The following STK33 variants were observed in gnomAD, a reference collection of about 807,000 sequenced individuals.
STK33 encodes serine/threonine kinase 33.
In STK33, 52 loss-of-function variants were observed where a neutral mutation model predicts 58.0. The ratio of observed to expected loss-of-function variants is 0.90; its 90% CI spans 0.72 to 1.13. The LOEUF (loss-of-function observed/expected upper bound fraction) is 1.13, where lower values mean the gene tolerates loss of function less well. STK33 is among the 50% of genes most tolerant of loss of function. STK33 has a pLI of 0.00. For synonymous variants in STK33, 215 were observed against 200.1 expected, an observed-to-expected ratio of 1.07 and a Z score of -0.63; for missense variants, 630 against 604.2, an observed-to-expected ratio of 1.04 and a Z score of -0.45.
intron 1 of STK33, among the ~76,000 whole-genome samples, chr11:8,509,457 C>T (rs186884013): frequency 2.8e-4 from 43 of 152,222 alleles, no homozygotes; most frequent in African/African-American, 9.6e-4. Flanking sequence ...CCAGCAGATC[C>T]TGAATCTAAT....
At chr11:8,572,519 T>C (rs1191481729) in intron 1 of STK33, among the ~76,000 whole-genome samples, 1 of 152,200 alleles carries the variant, frequency 6.6e-6, no homozygotes, top group Admixed American at 6.5e-5. Context: ...ATAAATATGT[T>C]CTACATGTCT....
the STK33 span, among the ~76,000 whole-genome samples, chr11:8,337,015 G>A: frequency 5.9e-5 from 9 of 152,356 alleles, no homozygotes; most frequent in South Asian, 2.1e-4. Context: ...GGCCTCAATC[G>A]TGATCAATGG....
chr11:8,411,018 A>G (rs1485756778), intron 15 of STK33, among the ~76,000 whole-genome samples: 3 of 152,254 alleles, frequency 2.0e-5, no homozygotes, highest in Non-Finnish European at 4.4e-5. Context: ...TTTATCAGGC[A>G]TCATTAAGGA....
the STK33 span, among the ~76,000 whole-genome samples, chr11:8,351,130 C>T: frequency 6.6e-6 from 1 of 152,070 alleles, no homozygotes; most frequent in Non-Finnish European, 1.5e-5. Flanking sequence ...TCCTGACACA[C>T]CCATAACCTC....
intron 15 of STK33, among the ~76,000 whole-genome samples, chr11:8,408,231 T>G (rs541333544): frequency 2.0e-5 from 3 of 152,272 alleles, no homozygotes; most frequent in East Asian, 1.9e-4. Flanking sequence ...AATTAATACA[T>G]TTGAAATTGA....
intron 7 of STK33, 147 bp downstream of exon 7, chr11:8,464,562 G>A (rs1053681579): frequency 2.1e-6 from 1 of 473,182 alleles, no homozygotes; most frequent in Non-Finnish European, 3.7e-6. Flanking sequence ...CGGGAGGCTA[G>A]AGAAATGCCA....
At chr11:8,584,727 C>T (rs2031167583) in intron 1 of STK33, among the ~76,000 whole-genome samples, 1 of 152,136 alleles carries the variant, frequency 6.6e-6, no homozygotes, top group Non-Finnish European at 1.5e-5. Flanking sequence ...TACCAAGTGC[C>T]AGGGCAAACA....
intron 15 of STK33, among the ~76,000 whole-genome samples, chr11:8,409,763 GTAATA>G (rs570413747): frequency 1.3e-5 from 2 of 152,086 alleles, no homozygotes; most frequent in Non-Finnish European, 2.9e-5. Flanking sequence ...TACATTTTTA[GTAATA>G]TAATAATGAA....
intron 1 of STK33, among the ~76,000 whole-genome samples, chr11:8,482,978 G>A (rs942531308): frequency 2.0e-5 from 3 of 151,976 alleles, no homozygotes; most frequent in African/African-American, 7.3e-5. Context: ...TAATCTGCCT[G>A]CCTCGGCCTC....
At chr11:8,508,553 G>A in intron 1 of STK33, among the ~76,000 whole-genome samples, 1 of 152,070 alleles carries the variant, frequency 6.6e-6, no homozygotes, top group Non-Finnish European at 1.5e-5. Context: ...TTATAGGCAT[G>A]AGCTATTGTG....
intron 15 of STK33, among the ~76,000 whole-genome samples, chr11:8,406,670 A>C (rs1939270680): frequency 6.6e-6 from 1 of 152,182 alleles, no homozygotes. Flanking sequence ...GTTCACTGCG[A>C]ATATATAACA....
intron 1 of STK33, among the ~76,000 whole-genome samples, chr11:8,534,229 C>T (rs1167080125): frequency 6.6e-6 from 1 of 151,552 alleles, no homozygotes; most frequent in Non-Finnish European, 1.5e-5. Flanking sequence ...GAGCCAAGAT[C>T]GCACCACTGC....
At chr11:8,466,123 T>C (rs1378191879) in intron 6 of STK33, 1 of 152,116 alleles carries the variant, frequency 6.6e-6, no homozygotes. Flanking sequence ...AAGGTGAAAT[T>C]TGGGTGGGGA....
At chr11:8,386,006 C>CGCG in the STK33 span, among the ~76,000 whole-genome samples, 27 of 151,776 alleles carry the variant, frequency 1.8e-4, no homozygotes, top group Admixed American at 3.3e-4. Context: ...GATCTCTGAC[C>CGCG]TCGTGATCCA....
At chr11:8,415,787 C>A (rs1288898623) in intron 14 of STK33, among the ~76,000 whole-genome samples, 1 of 152,068 alleles carries the variant, frequency 6.6e-6, no homozygotes, top group African/African-American at 2.4e-5. Context: ...CATATGCAAC[C>A]AATATGATGT....
intron 1 of STK33, among the ~76,000 whole-genome samples, chr11:8,538,254 G>C (rs912785810): frequency 1.5e-4 from 23 of 151,706 alleles, no homozygotes; most frequent in Admixed American, 8.5e-4. Flanking sequence ...GCACTATAAT[G>C]AGTATCTTAT....
chr11:8,484,371 A>C (rs2138352961), intron 1 of STK33, among the ~76,000 whole-genome samples: 1 of 152,340 alleles, frequency 6.6e-6, no homozygotes, highest in Middle Eastern at 3.4e-3. Flanking sequence ...TAGCAGTCAT[A>C]ATCTCTCAAC....
At chr11:8,555,627 T>G (rs1956687216) in intron 1 of STK33, among the ~76,000 whole-genome samples, 1 of 151,894 alleles carries the variant, frequency 6.6e-6, no homozygotes, top group Non-Finnish European at 1.5e-5. Flanking sequence ...ATTGAGCCAT[T>G]GCACTCCAGC....
chr11:8,445,592 G>A (rs1452988142), intron 11 of STK33, among the ~76,000 whole-genome samples: 1 of 151,910 alleles, frequency 6.6e-6, no homozygotes, highest in Admixed American at 6.6e-5. Flanking sequence ...AGCATGAAGT[G>A]GTATTGAATT....
Sources: allele counts gnomAD v4.1 joint callset (sites outside exome capture counted in the v4.1 genomes callset), GRCh38; gene constraint gnomAD v4.1.1; transcripts MANE v1.5; gene names NCBI Gene and HGNC (gene_info 2026-07-23, HGNC 2026-07-21).